TCF3: variants seen among roughly 807,000 people sequenced by gnomAD.
The protein encoded by TCF3 is transcription factor E2-alpha.
In TCF3, 54 loss-of-function variants were observed where a neutral mutation model predicts 72.3. The ratio of observed to expected loss-of-function variants is 0.75; its 90% confidence interval spans 0.60 to 0.94. TCF3 has a LOEUF of 0.94. TCF3 is among the 40% of genes least tolerant of loss of function. The pLI, the probability that TCF3 is intolerant of heterozygous loss-of-function variation, is 0.00. For synonymous variants in TCF3, 525 were observed against 412.6 expected (o/e 1.27, Z -3.30); for missense variants, 1,078 against 934.4 (o/e 1.15, Z -2.00).
Position 1,609,645 on chromosome 19 carries a change from C to T in TCF3, c.*2062G>A, listed in dbSNP as rs2060850967. 2 of 224,860 alleles carry T rather than the reference C, an allele frequency of 8.9e-6. No individual in the cohort carries two copies. Among genetic ancestry groups the T allele is most frequent in the Non-Finnish European group, 1.8e-5 (2 of 113,138 alleles). The allele number at this position is 224,860 out of a possible 1,614,324, so 13.9% of individuals were successfully genotyped here. A position where few individuals can be genotyped will look rare whatever the true frequency, so the allele number is the denominator to read the frequency against. ...AAAACAAGAGGGAGAGGCAAGTTCCCTTAAGAGATCAAACTCCCAGGGCGT... is the reference window on the plus strand; with the variant it reads ...AAAACAAGAGGGAGAGGCAAGTTCCTTTAAGAGATCAAACTCCCAGGGCGT... On this transcript the variant is annotated 3_prime_UTR_variant, in exon 19 of 19. Transcript: ENST00000262965.
In TCF3 at chr19:1,622,181, C is replaced by A; in HGVS notation, c.695G>T (p.Gly232Val). ...CAGCATGGGCCCGAAGCCCGCCTGG[C>A]CCGGGGGACTCCAGAGCTCGGCTGA... ...HPSAELWSPP[G>V]QAGFGPMLGG... The change falls in exon 10 of 19, where the codon GGC becomes GTC. Residue 232 changes from glycine to valine, a missense_variant. Transcript: ENST00000262965. 6.4e-7 allele frequency: 1 copy of A among 1,568,224 alleles called. No homozygotes were observed. Among genetic ancestry groups the A allele is most frequent in the South Asian group, 1.2e-5 (1 of 85,812 alleles).
At chr19:1,619,634 T>C (rs1036766345) in intron 14 of TCF3, 146 bp downstream of exon 14, 55 of 1,273,892 alleles carry the variant, frequency 4.3e-5, no homozygotes, top group Non-Finnish European at 5.2e-5. Context: ...ACACACAAAA[T>C]GTGTGTGCCT....
intron 3 of TCF3, among the ~76,000 whole-genome samples, chr19:1,634,467 G>A (rs868730693): frequency 5.2e-4 from 79 of 152,356 alleles, no homozygotes; most frequent in African/African-American, 1.8e-3. Context: ...AGGGCCCCAG[G>A]AGCGGCCCAC....
rs993020101 is a variant in TCF3 at position 1,652,525 on chromosome 19, G to A, written c.-265C>T. On this transcript the variant is annotated 5_prime_UTR_variant, in exon 1 of 19. Coordinates refer to ENST00000262965, the MANE Select transcript of TCF3 (RefSeq NM_003200.5). ...CCCCTGGGGCAGCGGCGTGCGCGGT[G>A]CCCGCGGTGCCCGCCGCCGCGTCGG... The A allele has an allele frequency of 1.9e-4, 27 of 144,736 alleles. No homozygotes were observed. The highest frequency in any genetic ancestry group is 6.4e-4 in the African/African-American group (26 of 40,482). 9.0% of individuals were successfully genotyped at this position (144,736 alleles called of 1,614,324 possible). A position where few individuals can be genotyped will look rare whatever the true frequency, so the allele number is the denominator to read the frequency against.
At chr19:1,625,845 T>G in intron 6 of TCF3, 137 bp from the exon 7 acceptor site, 2 of 1,105,020 alleles carry the variant, frequency 1.8e-6, no homozygotes, top group Non-Finnish European at 2.4e-6. Flanking sequence ...CCTGTCACGG[T>G]GTTTCTCTGT....
At chr19:1,633,387 GC>G (rs952758783) in intron 3 of TCF3, among the ~76,000 whole-genome samples, 6 of 152,090 alleles carry the variant, frequency 3.9e-5, no homozygotes, top group Non-Finnish European at 5.9e-5. Flanking sequence ...CGAGAGCCAG[GC>G]CTGGGGGACC....
At chr19:1,637,268 G>A (rs1399196990) in intron 3 of TCF3, among the ~76,000 whole-genome samples, 2 of 147,026 alleles carry the variant, frequency 1.4e-5, no homozygotes, top group Non-Finnish European at 3.0e-5. Flanking sequence ...AGGACGCCTG[G>A]CAACCTCCTC....
At chr19:1,630,052 G>C (rs2063511829) in intron 5 of TCF3, among the ~76,000 whole-genome samples, 1 of 152,200 alleles carries the variant, frequency 6.6e-6, no homozygotes, top group Non-Finnish European at 1.5e-5. Context: ...CCCTCTCCAA[G>C]CTGCCTGGCT....
At chr19:1,647,471 G>T (rs915634291) in intron 2 of TCF3, among the ~76,000 whole-genome samples, 1 of 152,218 alleles carries the variant, frequency 6.6e-6, no homozygotes, top group Non-Finnish European at 1.5e-5. Context: ...CCCAGGAAGC[G>T]GGGTTGTCCC....
intron 3 of TCF3, among the ~76,000 whole-genome samples, chr19:1,635,316 T>C (rs77559136): frequency 0.05 from 7,575 of 152,284 alleles, 600 homozygotes; most frequent in East Asian, 0.41. Flanking sequence ...GCCCAGTCCC[T>C]GCAGCAGCTT....
chr19:1,625,592 C>T lies in TCF3; in HGVS notation c.483G>A (p.Ala161=), dbSNP rs1444164580. Reference sequence around the variant, plus strand: ...CCCGCTCACCTAGGCTGCCGTCTGCCGCTCTCCGCCGGGAGCTGCCGGAGT... The same window carrying T: ...CCCGCTCACCTAGGCTGCCGTCTGCTGCTCTCCGCCGGGAGCTGCCGGAGT... ...PSYSGSSRRR[A]ADGSLDTQPK... is the part of the protein sequence containing the mutation. Residue 161 remains alanine, a synonymous_variant, in exon 7 of 19, where the codon GCG becomes GCA. Coordinates refer to ENST00000262965, the MANE Select transcript of TCF3 (RefSeq NM_003200.5). The T allele has an allele frequency of 5.7e-6, 9 of 1,585,550 alleles. No homozygotes were observed. The highest frequency in any genetic ancestry group is 3.4e-5 in the South Asian group (3 of 88,500).
intron 2 of TCF3, among the ~76,000 whole-genome samples, chr19:1,649,776 G>A (rs1027383647): frequency 6.6e-6 from 1 of 152,284 alleles, no homozygotes; most frequent in African/African-American, 2.4e-5. Context: ...AACCAGACTG[G>A]AGTGCAGTGA....
rs749798395 is a variant in TCF3 at position 1,614,966 on chromosome 19, C to T, written c.1822+319G>A. ...TGGGCTTCCCAAGAAAGGAGGACCA[C>T]GGCGAGTGGGAGCCCCGTGGAGCTG... On this transcript the variant is annotated intron_variant, in intron 18 of 18. Transcript: ENST00000262965. The surrounding 1 kb of genome is among the most constrained non-coding windows in gnomAD (Gnocchi z 5.6). Among the ~76,000 whole-genome samples, 4 of 152,132 alleles carry T rather than the reference C, an allele frequency of 2.6e-5. No individual in the cohort carries two copies. The highest frequency in any genetic ancestry group is 2.1e-4 in the South Asian group (1 of 4,820).
chr19:1,635,902 G>A (rs1435841537), intron 3 of TCF3, among the ~76,000 whole-genome samples: 1 of 152,228 alleles, frequency 6.6e-6, no homozygotes, highest in Non-Finnish European at 1.5e-5. Flanking sequence ...TTACTCGGGA[G>A]TAGGAGCGGG....
At chr19:1,646,327 G>C in intron 3 of TCF3, 28 bp downstream of exon 3, 1 of 1,548,712 alleles carries the variant, frequency 6.5e-7, no homozygotes, top group Non-Finnish European at 8.7e-7. Context: ...CTCACTCCAC[G>C]AGCGCTGGCA....
intron 3 of TCF3, among the ~76,000 whole-genome samples, chr19:1,634,355 A>G (rs2064111769): frequency 6.6e-6 from 1 of 152,222 alleles, no homozygotes. Flanking sequence ...TCTTTGGTGA[A>G]GCACCGCAGA....
chr19:1,643,255 C>T (rs761764810), intron 3 of TCF3, among the ~76,000 whole-genome samples: 7 of 152,220 alleles, frequency 4.6e-5, no homozygotes, highest in Non-Finnish European at 1.0e-4. Context: ...GGGTCTGGCT[C>T]TGTCACCCAG....
At position 1,615,552 on chromosome 19, in the gene TCF3, G is replaced by C. The variant is rs763747805; in HGVS notation, c.1587-32C>G. On this transcript the variant is annotated intron_variant, in intron 17 of 18. Transcript: ENST00000262965. This position sits in a 1 kb window ranked among gnomAD's most constrained non-coding sequence, Gnocchi z 7.3. ...GGAGGGCGCCGGGAGGGGGCCAGAG[G>C]GAGACAGTGAGGTTGGGGGAAGAGC... The C allele has an allele frequency of 1.2e-6, 2 of 1,604,902 alleles. No individual in the cohort carries two copies. Among genetic ancestry groups the C allele is most frequent in the Non-Finnish European group, 1.7e-6 (2 of 1,179,622 alleles).
intron 6 of TCF3, among the ~76,000 whole-genome samples, chr19:1,626,379 G>C (rs1678995149): frequency 1.3e-5 from 2 of 152,012 alleles, no homozygotes; most frequent in South Asian, 4.1e-4. Flanking sequence ...GAACCCAGGA[G>C]ACAGAGGTTG....
Sources: gnomAD v4.1 joint callset for allele counts (sites outside exome capture counted in the v4.1 genomes callset) on GRCh38, gnomAD v4.1.1 for gene constraint, Gnocchi (gnomAD v3.1) non-coding constraint, MANE v1.5 for transcripts, NCBI Gene and HGNC (gene_info 2026-07-23, HGNC 2026-07-21) for gene names.